The following SLC6A11 variants were observed in gnomAD, a reference collection of about 807,000 sequenced individuals.
The protein encoded by SLC6A11 is solute carrier family 6 member 11.
A neutral mutation model predicts 74.8 loss-of-function variants in SLC6A11; 25 were observed. The ratio of observed to expected loss-of-function variants is 0.33; its 90% CI spans 0.24 to 0.47. The LOEUF is 0.47. Among genes scored for constraint, SLC6A11 ranks in the 20% least tolerant of loss-of-function variants. The pLI is 1.00. For synonymous variants in SLC6A11, 330 were observed against 330.2 expected (o/e 1.00, Z 0.01); for missense variants, 574 against 837.0 (o/e 0.69, Z 3.88).
At chr3:10,833,674 T>C (rs139346326) in intron 4 of SLC6A11, among the ~76,000 whole-genome samples, 1 of 152,350 alleles carries the variant, frequency 6.6e-6, no homozygotes, top group Non-Finnish European at 1.5e-5. Context: ...CTTGTTAGTC[T>C]TGGGCTTGTT....
intron 6 of SLC6A11, among the ~76,000 whole-genome samples, chr3:10,888,407 G>A (rs1414590054): frequency 6.6e-6 from 1 of 152,216 alleles, no homozygotes; most frequent in African/African-American, 2.4e-5. Context: ...ATCTGACTGA[G>A]GATGGAGAAG....
In SLC6A11 at chr3:10,926,182, C is replaced by A. The variant is rs1695604510; in HGVS notation, c.1233+66C>A. 9.4e-7 allele frequency: 1 copy of A among 1,063,112 alleles called. No individual in the cohort carries two copies. The highest frequency in any genetic ancestry group is 1.4e-5 in the South Asian group (1 of 71,104). The allele number at this position is 1,063,112 out of a possible 1,614,324, so 65.9% of individuals were successfully genotyped here. Reference sequence around the variant, plus strand: ...GCCTGGGCCAGGAGGCCAGACGCCACCCTTAGGAGTGGCTCCCCAGGCCCA... The same window carrying A: ...GCCTGGGCCAGGAGGCCAGACGCCAACCTTAGGAGTGGCTCCCCAGGCCCA... On this transcript the variant is annotated intron_variant, in intron 9 of 13. Coordinates refer to ENST00000254488, the MANE Select transcript of SLC6A11 (RefSeq NM_014229.3). This position sits in a 1 kb window ranked among gnomAD's most constrained non-coding sequence, Gnocchi z 5.7.
chr3:10,872,879 C>T (rs1260265474), intron 5 of SLC6A11, among the ~76,000 whole-genome samples: 1 of 152,206 alleles, frequency 6.6e-6, no homozygotes, highest in East Asian at 1.9e-4. Flanking sequence ...GCATGCGTAT[C>T]TGCATCTGAG....
intron 6 of SLC6A11, among the ~76,000 whole-genome samples, chr3:10,909,849 C>T (rs1043005522): frequency 6.6e-6 from 1 of 152,250 alleles, no homozygotes; most frequent in African/African-American, 2.4e-5. Context: ...ACCACTTCTT[C>T]TCAAGTCTTT....
At chr3:10,891,901 C>T (rs967310454) in intron 6 of SLC6A11, among the ~76,000 whole-genome samples, 4 of 152,218 alleles carry the variant, frequency 2.6e-5, no homozygotes, top group Non-Finnish European at 1.5e-5. Flanking sequence ...CTCTGTCCAC[C>T]TCAAATGGCT....
chr3:10,914,992 G>C (rs1343073204), intron 7 of SLC6A11, among the ~76,000 whole-genome samples: 2 of 152,158 alleles, frequency 1.3e-5, no homozygotes, highest in Non-Finnish European at 2.9e-5. Flanking sequence ...CTTGTACTTA[G>C]TTTAGTGCTG....
chr3:10,836,305 G>A (rs1009042680), intron 4 of SLC6A11, among the ~76,000 whole-genome samples: 7 of 152,180 alleles, frequency 4.6e-5, no homozygotes, highest in Admixed American at 2.6e-4. Context: ...GGGCTATTAC[G>A]AATAATGCTG....
rs986816921 is a variant in SLC6A11 at position 10,841,818 on chromosome 3, C to T, written c.624-2396C>T. 4.6e-5 allele frequency among the ~76,000 whole-genome samples: 7 copies of T among 151,738 alleles called. No homozygotes were observed. In the East Asian group the frequency reaches 7.7e-4, roughly 17 times the overall value. Reference sequence around the variant, plus strand: ...AGGCACATGTCTGTGTGTGTGTGTGCGTGTGTGTGTGTATGTGCATGTGTG... The same window carrying T: ...AGGCACATGTCTGTGTGTGTGTGTGTGTGTGTGTGTGTATGTGCATGTGTG... On this transcript the variant is annotated intron_variant, in intron 4 of 13. Coordinates refer to ENST00000254488, the MANE Select transcript of SLC6A11 (RefSeq NM_014229.3).
intron 8 of SLC6A11, among the ~76,000 whole-genome samples, chr3:10,924,298 G>A (rs1695573778): frequency 2.0e-5 from 3 of 152,100 alleles, no homozygotes; most frequent in Admixed American, 2.0e-4. Context: ...TATACCATAT[G>A]GCAATGAAGT....
chr3:10,925,501 A>G (rs1485194901), intron 8 of SLC6A11, among the ~76,000 whole-genome samples: 4 of 152,186 alleles, frequency 2.6e-5, no homozygotes, highest in Admixed American at 2.6e-4. Flanking sequence ...TGCAGCAACT[A>G]AAACAAGGGA....
chr3:10,929,220 C>T lies in SLC6A11; in HGVS notation c.1252C>T (p.Leu418=). Residue 418 remains leucine (L), a synonymous_variant, in exon 10 of 14, where the codon CTG becomes TTG. Transcript: ENST00000254488. The part of the protein sequence containing the change: ...LDSQFVCVES[L]VTAVVDMYPK... Reference sequence around the variant, plus strand: ...CATCCAGTTTGTGTGTGTGGAAAGCCTGGTGACCGCCGTGGTGGACATGTA... The same window carrying T: ...CATCCAGTTTGTGTGTGTGGAAAGCTTGGTGACCGCCGTGGTGGACATGTA... 1 of 1,614,122 alleles carries T rather than the reference C, an allele frequency of 6.2e-7. No homozygotes were observed. Among genetic ancestry groups the T allele is most frequent in the Non-Finnish European group, 8.5e-7 (1 of 1,180,006 alleles).
At chr3:10,868,482 C>T (rs1694791158) in intron 5 of SLC6A11, among the ~76,000 whole-genome samples, 1 of 152,226 alleles carries the variant, frequency 6.6e-6, no homozygotes, top group Non-Finnish European at 1.5e-5. Context: ...ATAATTACCA[C>T]CAATTGTGCT....
intron 5 of SLC6A11, among the ~76,000 whole-genome samples, chr3:10,861,737 G>T (rs1694705390): frequency 6.6e-6 from 1 of 152,172 alleles, no homozygotes. Flanking sequence ...GCCAAGTAGA[G>T]AAATGAAAGA....
At chr3:10,927,809 A>G (rs1241845851) in intron 9 of SLC6A11, among the ~76,000 whole-genome samples, 2 of 152,120 alleles carry the variant, frequency 1.3e-5, no homozygotes, top group African/African-American at 2.4e-5. Context: ...GTATTGAAAC[A>G]CCTTTTCTGG....
chr3:10,875,104 C>G lies in SLC6A11; in HGVS notation c.891+9C>G. ...GGCTCTCCGACCCCCAGGTAAGAGT[C>G]GCTTGCTCAATGTGCAGCATCACCC... is the stretch of plus-strand genomic sequence containing the variant. On this transcript the variant is annotated intron_variant, in intron 6 of 13. Transcript: ENST00000254488. 6.3e-7 allele frequency: 1 copy of G among 1,597,580 alleles called. No individual in the cohort carries two copies. Among genetic ancestry groups the G allele is most frequent in the South Asian group, 1.1e-5 (1 of 88,866 alleles).
intron 5 of SLC6A11, among the ~76,000 whole-genome samples, chr3:10,869,391 T>C (rs928685802): frequency 6.6e-6 from 1 of 152,250 alleles, no homozygotes; most frequent in African/African-American, 2.4e-5. Flanking sequence ...CTGAGCCTCG[T>C]CTTCCAGACC....
chr3:10,822,672 C>G (rs977569295), intron 3 of SLC6A11, among the ~76,000 whole-genome samples: 1 of 152,064 alleles, frequency 6.6e-6, no homozygotes, highest in Non-Finnish European at 1.5e-5. Context: ...CACTAGGTTG[C>G]TTTTACTTGA....
At position 10,817,903 on chromosome 3, in the gene SLC6A11, G is replaced by C. The variant is rs141609715; in HGVS notation, c.256+1382G>C. On this transcript the variant is annotated intron_variant, in intron 1 of 13. Transcript: ENST00000254488. ...CTGCCTCTCTGCAGATACAGCGTTT[G>C]TAAGCTGCGTCCACTTGGAAACCTG... Among the ~76,000 whole-genome samples, 21 of 152,320 alleles carry C rather than the reference G, an allele frequency of 1.4e-4. No individual in the cohort carries two copies. The East Asian group carries it at 3.7e-3, about 27-fold the overall frequency.
At chr3:10,923,744 G>A (rs369448344) in intron 8 of SLC6A11, among the ~76,000 whole-genome samples, 22 of 152,048 alleles carry the variant, frequency 1.4e-4, no homozygotes, top group Non-Finnish European at 2.4e-4. Context: ...CTGCAGGAGC[G>A]TTAACAATTA....
Sources: gnomAD v4.1 joint callset for allele counts (sites outside exome capture counted in the v4.1 genomes callset) on GRCh38, gnomAD v4.1.1 for gene constraint, Gnocchi (gnomAD v3.1) non-coding constraint, MANE v1.5 for transcripts, NCBI Gene and HGNC (gene_info 2026-07-23, HGNC 2026-07-21) for gene names.